Variants in HTT observed in about 807,000 individuals in gnomAD.
HTT encodes huntingtin.
In HTT, 104 loss-of-function variants were observed where a neutral mutation model predicts 362.3. The ratio of observed to expected loss-of-function variants is 0.29; its 90% CI spans 0.24 to 0.34. HTT has a LOEUF of 0.34. Ranked by LOEUF, HTT falls within the 10% of genes least tolerant of loss-of-function variation. The pLI is 1.00. For missense variants in HTT, 3,301 were observed against 3,928.6 expected (o/e 0.84, Z 4.27); for synonymous variants, 1,577 against 1,548.7 (o/e 1.02, Z -0.43).
rs73074803 is a variant in HTT at position 3,200,925 on chromosome 4, G to A, written c.5576+986G>A. ...TTTAACGTGCATAGAAATCAGCTGC[G>A]GATTCAGCAGATCACTCCTTTTCTG... On this transcript the variant is annotated intron_variant, in intron 41 of 66. Transcript: ENST00000355072. Among the ~76,000 whole-genome samples, 648 of 152,312 alleles carry A rather than the reference G, an allele frequency of 4.3e-3. 4 individuals are homozygous for A. The highest frequency in any genetic ancestry group is 0.015 in the African/African-American group (619 of 41,574).
rs969180084 is a variant in HTT at position 3,242,426 on chromosome 4, T to A, written c.*2367T>A. On this transcript the variant is annotated 3_prime_UTR_variant, in exon 67 of 67. Coordinates refer to ENST00000355072, the MANE Select transcript of HTT (RefSeq NM_001388492.1). ...TGTGCATATAGACACATCTATAATT[T>A]TACACACACACCTCTCAAGACGGAG... The A allele has an allele frequency of 6.6e-6, 1 of 152,210 alleles. No individual in the cohort carries two copies. The highest frequency in any genetic ancestry group is 2.4e-5 in the African/African-American group (1 of 41,448). 9.4% of individuals were successfully genotyped at this position (152,210 alleles called of 1,614,324 possible).
At chr4:3,217,697 A>T in intron 51 of HTT, 68 bp from the exon 52 acceptor site, 1 of 1,366,942 alleles carries the variant, frequency 7.3e-7, no homozygotes, top group South Asian at 1.3e-5. Flanking sequence ...GTTGTAGGTC[A>T]TGCTTTCTAC....
At chr4:3,203,932 A>C in intron 41 of HTT, 75 bp from the exon 42 acceptor site, 1 of 1,410,842 alleles carries the variant, frequency 7.1e-7, no homozygotes, top group Non-Finnish European at 9.9e-7. Flanking sequence ...AATTAAACAT[A>C]ATCATCTTCA....
In HTT at chr4:3,228,847, A is replaced by G; in HGVS notation, c.7980-33A>G. The G allele has an allele frequency of 6.3e-7, 1 of 1,596,580 alleles. No individual in the cohort carries two copies. Among genetic ancestry groups the G allele is most frequent in the Non-Finnish European group, 8.6e-7 (1 of 1,165,634 alleles). On this transcript the variant is annotated intron_variant, in intron 58 of 66. Coordinates refer to ENST00000355072, the MANE Select transcript of HTT (RefSeq NM_001388492.1). This position sits in a 1 kb window ranked among gnomAD's most constrained non-coding sequence, Gnocchi z 4.3. ...TTGAAATGAGCCTCTCATCTCATGT[A>G]CTTGGAAAATACCCATCTCGCATAT...
chr4:3,084,581 T>C (rs1713098154), intron 1 of HTT, among the ~76,000 whole-genome samples: 1 of 151,748 alleles, frequency 6.6e-6, no homozygotes, highest in Non-Finnish European at 1.5e-5. Flanking sequence ...TCCCAGCTAC[T>C]TGGGAGGCTG....
intron 12 of HTT, among the ~76,000 whole-genome samples, chr4:3,127,919 G>A (rs1319655969): frequency 1.1e-4 from 17 of 151,764 alleles, no homozygotes; most frequent in Admixed American, 9.2e-4. Flanking sequence ...AGCCGAGATC[G>A]TGACACTGCA....
At chr4:3,131,462 G>A (rs960232686) in intron 15 of HTT, 65 bp downstream of exon 15, 2 of 1,455,032 alleles carry the variant, frequency 1.4e-6, no homozygotes, top group African/African-American at 1.4e-5. Flanking sequence ...CAGCTTGGTG[G>A]CCTGTTTTTG....
intron 11 of HTT, among the ~76,000 whole-genome samples, chr4:3,126,972 G>A (rs181239884): frequency 1.2e-3 from 177 of 152,338 alleles, no homozygotes; most frequent in Middle Eastern, 6.8e-3. Flanking sequence ...TATTGCTCCA[G>A]CTAAGGCTTG....
intron 53 of HTT, among the ~76,000 whole-genome samples, chr4:3,220,762 A>G (rs1263472517): frequency 6.6e-6 from 1 of 152,082 alleles, no homozygotes; most frequent in African/African-American, 2.4e-5. Context: ...CCTTCCCCAG[A>G]GCCTAGAGGC....
chr4:3,135,964 A>T lies in HTT; in HGVS notation c.2694A>T (p.Thr898=). The T allele has an allele frequency of 6.3e-7, 1 of 1,594,216 alleles. No homozygotes were observed. The highest frequency in any genetic ancestry group is 2.2e-5 in the East Asian group (1 of 44,474). ...ENLHRGAHHY[T]GLLKLQERVL... ...TACACAGAGGGGCTCATCATTATAC[A>T]GGGGTAAGCGGTTTATTTTTGTGAG... The change falls in exon 20 of 67, where the codon ACA becomes ACT. Residue 898 remains threonine (T), a synonymous_variant. Transcript: ENST00000355072.
intron 9 of HTT, 37 bp from the exon 10 acceptor site, chr4:3,122,852 G>A: frequency 6.5e-7 from 1 of 1,542,042 alleles, no homozygotes; most frequent in South Asian, 1.2e-5. Flanking sequence ...GATTTTATCA[G>A]CTTGTTACTT....
chr4:3,230,332 C>T (rs1235081817), intron 60 of HTT, among the ~76,000 whole-genome samples: 1 of 152,150 alleles, frequency 6.6e-6, no homozygotes. Context: ...CCCCACAGAA[C>T]CACGGTGTGT....
At chr4:3,203,942 AG>A in intron 41 of HTT, 64 bp from the exon 42 acceptor site, 1 of 1,485,924 alleles carries the variant, frequency 6.7e-7, no homozygotes, top group East Asian at 2.3e-5. Flanking sequence ...AATCATCTTC[AG>A]TATTTTGCAA....
intron 2 of HTT, among the ~76,000 whole-genome samples, chr4:3,095,495 C>T (rs781129514): frequency 2.6e-5 from 4 of 152,192 alleles, no homozygotes; most frequent in Non-Finnish European, 4.4e-5. Context: ...AGCCTTGGCT[C>T]GGCATCAGAG....
Position 3,242,643 on chromosome 4 carries a change from A to G in HTT, c.*2584A>G, listed in dbSNP as rs1721858074. On this transcript the variant is annotated 3_prime_UTR_variant, in exon 67 of 67. Coordinates refer to ENST00000355072, the MANE Select transcript of HTT (RefSeq NM_001388492.1). Reference sequence around the variant, plus strand: ...TCAGCTCTCTGCAGAAGGGAGGAAGACTTTATCATGTTCCTAAAAATCTGT... The same window carrying G: ...TCAGCTCTCTGCAGAAGGGAGGAAGGCTTTATCATGTTCCTAAAAATCTGT... The G allele has an allele frequency of 6.6e-6, 1 of 152,140 alleles. No homozygotes were observed. The highest frequency in any genetic ancestry group is 6.5e-5 in the Admixed American group (1 of 15,274). The allele number at this position is 152,140 out of a possible 1,614,324, so 9.4% of individuals were successfully genotyped here.
Position 3,159,614 on chromosome 4 carries a change from G to A in HTT, c.3754-668G>A, listed in dbSNP as rs192469933. Among the ~76,000 whole-genome samples the A allele has an allele frequency of 7.9e-5, 12 of 152,234 alleles. No individual in the cohort carries two copies. The East Asian group carries it at 1.4e-3, about 17-fold the overall frequency. Reference sequence around the variant, plus strand: ...CTGTCTCTTGCCTGCTTCTGACTTCGCCCAGAGAAAGCTTCTCTTTCACAA... The same window carrying A: ...CTGTCTCTTGCCTGCTTCTGACTTCACCCAGAGAAAGCTTCTCTTTCACAA... On this transcript the variant is annotated intron_variant, in intron 28 of 66. Coordinates refer to ENST00000355072, the MANE Select transcript of HTT (RefSeq NM_001388492.1).
rs1386852988 is a variant in HTT at position 3,187,814 on chromosome 4, A to G, written c.5153A>G (p.Asp1718Gly). The change falls in exon 39 of 67, where the codon GAC becomes GGC. Residue 1718 changes from aspartate (D) to glycine (G), a missense_variant. Around this residue, in one of 4 missense-constraint regions of HTT, gnomAD observed 2,316 missense variants for 2,658.5 expected, o/e 0.87. Transcript: ENST00000355072. Reference protein sequence around the residue: ...CTVINRLRDGDSTSTLEEHSE... With the variant: ...CTVINRLRDGGSTSTLEEHSE... ...GTAATTAATAGGTTAAGAGATGGGG[A>G]CAGTACTTCAACGCTAGAAGAACAC... 3.7e-6 allele frequency: 6 copies of G among 1,613,338 alleles called. No individual in the cohort carries two copies. Among genetic ancestry groups the G allele is most frequent in the Non-Finnish European group, 4.2e-6 (5 of 1,179,428 alleles).
chr4:3,146,789 G>T lies in HTT; in HGVS notation c.3144-8G>T. ...CTATAATTTGACTTTGCAAATGTCT[G>T]CTTCCAGAGTGCCTCCACTGAGTGC... On this transcript the variant is annotated splice_region_variant and splice_polypyrimidine_tract_variant and intron_variant, in intron 24 of 66. Coordinates refer to ENST00000355072, the MANE Select transcript of HTT (RefSeq NM_001388492.1). 6.2e-7 allele frequency: 1 copy of T among 1,612,506 alleles called. No homozygotes were observed. The highest frequency in any genetic ancestry group is 8.5e-7 in the Non-Finnish European group (1 of 1,178,644).
At chr4:3,084,559 G>A (rs1247272969) in intron 1 of HTT, among the ~76,000 whole-genome samples, 1 of 151,936 alleles carries the variant, frequency 6.6e-6, no homozygotes, top group Non-Finnish European at 1.5e-5. Flanking sequence ...GCATGGTGGT[G>A]TGCACCTGTA....
Sources: allele counts gnomAD v4.1 joint callset (sites outside exome capture counted in the v4.1 genomes callset), GRCh38; gene constraint gnomAD v4.1.1; regional missense constraint gnomAD v4.1.1; non-coding constraint Gnocchi (gnomAD v3.1); transcripts MANE v1.5; gene names NCBI Gene and HGNC (gene_info 2026-07-23, HGNC 2026-07-21).